TAF5: variants seen among roughly 807,000 people sequenced by gnomAD.
The protein encoded by TAF5 is TATA-box binding protein associated factor 5, also known as transcription initiation factor TFIID subunit 5.
A neutral mutation model predicts 80.9 loss-of-function variants in TAF5; 20 were observed. That is an observed-to-expected ratio of 0.25 (90% CI 0.17 to 0.36). The LOEUF (loss-of-function observed/expected upper bound fraction) is 0.36, where lower values mean the gene tolerates loss of function less well. Among genes scored for constraint, TAF5 ranks in the 10% least tolerant of loss-of-function variants. The probability of loss-of-function intolerance (pLI) is 1.00; values close to 1 mark genes in which losing one functional copy is unlikely to be tolerated. For synonymous variants in TAF5, 388 were observed against 406.4 expected (o/e 0.95, Z 0.55); for missense variants, 863 against 1,029.4 (o/e 0.84, Z 2.21).
chr10:103,381,655 A>G, intron 5 of TAF5, 66 bp from the exon 6 acceptor site: 1 of 1,541,118 alleles, frequency 6.5e-7, no homozygotes. Flanking sequence ...GAAAATGATT[A>G]ACATTTGCTT....
At chr10:103,380,054 A>G (rs780142600) in intron 5 of TAF5, 35 bp downstream of exon 5, 2 of 1,601,788 alleles carry the variant, frequency 1.2e-6, no homozygotes, top group Admixed American at 3.5e-5. Context: ...CTGCCTGGAG[A>G]GTCATGTAGG....
chr10:103,380,998 G>A (rs921466141), intron 5 of TAF5, among the ~76,000 whole-genome samples: 4 of 151,894 alleles, frequency 2.6e-5, no homozygotes, highest in African/African-American at 9.7e-5. Flanking sequence ...CACCTAGGCT[G>A]GAGTGCGGTG....
chr10:103,385,282 A>C (rs989265594), intron 7 of TAF5, 44 bp from the exon 8 acceptor site: 8 of 1,560,980 alleles, frequency 5.1e-6, no homozygotes, highest in Non-Finnish European at 7.0e-6. Context: ...CAGGTGACCA[A>C]AGGTTACTCT....
At position 103,374,563 on chromosome 10, in the gene TAF5, A is replaced by G. The variant is rs544116064; in HGVS notation, c.797+968A>G. 2.8e-4 allele frequency among the ~76,000 whole-genome samples: 43 copies of G among 152,338 alleles called. No individual in the cohort carries two copies. Among genetic ancestry groups the G allele is most frequent in the African/African-American group, 9.6e-4 (40 of 41,590 alleles). On this transcript the variant is annotated intron_variant, in intron 2 of 10. Coordinates refer to ENST00000369839, the MANE Select transcript of TAF5 (RefSeq NM_006951.5). The surrounding 1 kb of genome is among the most constrained non-coding windows in gnomAD (Gnocchi z 4.3). ...AAATGTAGTCTTTACCTAAGTGTCT[A>G]TGTGCCCAGCTGATATTCAGGTTTT...
chr10:103,369,956 C>A (rs1017648245), intron 1 of TAF5, among the ~76,000 whole-genome samples: 1 of 152,014 alleles, frequency 6.6e-6, no homozygotes, highest in Admixed American at 6.6e-5. Flanking sequence ...ATTGGCCGGG[C>A]GTCGTGGCTC....
At position 103,374,073 on chromosome 10, in the gene TAF5, G is replaced by A. The variant is rs569293866; in HGVS notation, c.797+478G>A. Among the ~76,000 whole-genome samples the A allele has an allele frequency of 6.6e-6, 1 of 152,174 alleles. No individual in the cohort carries two copies. The highest frequency in any genetic ancestry group is 2.1e-4 in the South Asian group (1 of 4,814). On this transcript the variant is annotated intron_variant, in intron 2 of 10. Transcript: ENST00000369839. This position sits in a 1 kb window ranked among gnomAD's most constrained non-coding sequence, Gnocchi z 4.3. The stretch of plus-strand genomic sequence containing the variant: ...TAGGCAGGTTTTTGGGCCATGTTGA[G>A]GGTCTTTGTTTATCCTAAGAGCAGT...
chr10:103,368,188 A>C lies in TAF5; in HGVS notation c.199A>C (p.Thr67Pro), dbSNP rs1174202905. The C allele has an allele frequency of 7.2e-7, 1 of 1,394,186 alleles. No homozygotes were observed. The highest frequency in any genetic ancestry group is 1.5e-5 in the African/African-American group (1 of 66,116). The allele number at this position is 1,394,186 out of a possible 1,614,324, so 86.4% of individuals were successfully genotyped here. The part of the protein sequence containing the change: ...TGGDGGTPKP[T>P]VAVSAAAPAG... ...CGGGGATGGCGGGACCCCCAAGCCC[A>C]CGGTGGCTGTCTCCGCCGCTGCCCC... Residue 67 changes from threonine (T) to proline (P), a missense_variant, in exon 1 of 11, where the codon ACG becomes CCG. Thr to Pro is a conservative substitution (Grantham distance 38). Coordinates refer to ENST00000369839, the MANE Select transcript of TAF5 (RefSeq NM_006951.5).
At chr10:103,380,913 G>A (rs1391300953) in intron 5 of TAF5, among the ~76,000 whole-genome samples, 1 of 151,954 alleles carries the variant, frequency 6.6e-6, no homozygotes, top group Non-Finnish European at 1.5e-5. Flanking sequence ...GAGCCACCGT[G>A]CCCAGCCATA....
rs773529409 is a variant in TAF5, at chr10:103,387,241, T to C, written c.1896T>C (p.Cys632=). ...IFAGHLADVN[C]TRFHPNSNYV... is the part of the protein sequence containing the mutation. ...CCGGCCATCTTGCTGATGTGAATTG[T>C]ACCAGATTCCATCCAAATTCTAATT... The change falls in exon 9 of 11, where the codon TGT becomes TGC. Residue 632 remains cysteine, a synonymous_variant. Transcript: ENST00000369839. 1 of 1,614,214 alleles carries C rather than the reference T, an allele frequency of 6.2e-7. No individual in the cohort carries two copies. The highest frequency in any genetic ancestry group is 8.5e-7 in the Non-Finnish European group (1 of 1,180,030).
Position 103,387,632 on chromosome 10 carries a change from T to C in TAF5, c.2119T>C (p.Leu707=), listed in dbSNP as rs566347012. Residue 707 remains leucine, a synonymous_variant, in exon 10 of 11, where the codon TTA becomes CTA. Transcript: ENST00000369839. ...TGGACATGGTTTGATGGTTGGAGAA[T>C]TAAAAGGCCACACTGATACAGTCTG... The part of the protein sequence containing the change: ...DIGHGLMVGE[L]KGHTDTVCSL... The C allele has an allele frequency of 2.2e-5, 35 of 1,614,132 alleles. No homozygotes were observed. The South Asian group carries it at 3.4e-4, about 16-fold the overall frequency.
At position 103,378,623 on chromosome 10, in the gene TAF5, C is replaced by T. The variant is rs572276230; in HGVS notation, c.1113+73C>T. On this transcript the variant is annotated intron_variant, in intron 3 of 10. Coordinates refer to ENST00000369839, the MANE Select transcript of TAF5 (RefSeq NM_006951.5). This position sits in a 1 kb window ranked among gnomAD's most constrained non-coding sequence, Gnocchi z 4.1. ...GTAGCATTTCCATCTACATAAGTTA[C>T]ACATTTTTCTTATAGCTAGCTTGGA... 36 of 1,462,270 alleles carry T rather than the reference C, an allele frequency of 2.5e-5. No individual in the cohort carries two copies. In the Admixed American group the frequency reaches 6.8e-4, roughly 28 times the overall value. The allele number at this position is 1,462,270 out of a possible 1,614,324, so 90.6% of individuals were successfully genotyped here.
chr10:103,387,106 GT>G, intron 8 of TAF5, 68 bp from the exon 9 acceptor site: 1 of 1,453,032 alleles, frequency 6.9e-7, no homozygotes, highest in Non-Finnish European at 9.3e-7. Context: ...TATTTATTTT[GT>G]ATAGATTTTT....
intron 7 of TAF5, among the ~76,000 whole-genome samples, chr10:103,384,723 G>C (rs1412137300): frequency 6.6e-6 from 1 of 152,206 alleles, no homozygotes; most frequent in Non-Finnish European, 1.5e-5. Context: ...TTTGTTGCTT[G>C]ATAAGGTTTT....
intron 1 of TAF5, 62 bp from the exon 2 acceptor site, chr10:103,373,296 A>G: frequency 7.3e-7 from 1 of 1,373,514 alleles, no homozygotes; most frequent in East Asian, 2.3e-5. Context: ...CTTTAACAAT[A>G]CAGCCATAGT....
intron 8 of TAF5, among the ~76,000 whole-genome samples, chr10:103,386,199 G>T (rs1263301846): frequency 6.6e-6 from 1 of 151,972 alleles, no homozygotes; most frequent in Non-Finnish European, 1.5e-5. Flanking sequence ...AGCACTTTGG[G>T]AGGCCAAGGA....
chr10:103,379,580 T>A lies in TAF5; in HGVS notation c.1114-28T>A, dbSNP rs368772038. On this transcript the variant is annotated intron_variant, in intron 3 of 10. Coordinates refer to ENST00000369839, the MANE Select transcript of TAF5 (RefSeq NM_006951.5). Reference sequence around the variant, plus strand: ...GGGTATATTAATGAATAAATAATTTTAAAAATGTTGGCTCTTTTGACTTGT... The same window carrying A: ...GGGTATATTAATGAATAAATAATTTAAAAAATGTTGGCTCTTTTGACTTGT... The A allele has an allele frequency of 3.8e-5, 58 of 1,539,426 alleles. No homozygotes were observed. In the Middle Eastern group the frequency reaches 6.6e-4, roughly 17 times the overall value.
At position 103,373,085 on chromosome 10, in the gene TAF5, C is replaced by G. The variant is rs536284418; in HGVS notation, c.560-273C>G. Among the ~76,000 whole-genome samples, 3 of 151,520 alleles carry G rather than the reference C, an allele frequency of 2.0e-5. No homozygotes were observed. The East Asian group carries it at 5.9e-4, about 30-fold the overall frequency. ...GGGCATGGTGGCACACGCTTGTAGT[C>G]CCAGCTACTTGGGAGGCCGAGGCAA... On this transcript the variant is annotated intron_variant, in intron 1 of 10. Transcript: ENST00000369839.
At chr10:103,384,000 C>T (rs1418373574) in intron 7 of TAF5, among the ~76,000 whole-genome samples, 1 of 151,644 alleles carries the variant, frequency 6.6e-6, no homozygotes, top group African/African-American at 2.4e-5. Flanking sequence ...TGGTAAATAA[C>T]CAACCAAAGC....
In TAF5 at chr10:103,385,321, C is replaced by G; in HGVS notation, c.1665-5C>G. On this transcript the variant is annotated splice_polypyrimidine_tract_variant and splice_region_variant and intron_variant, in intron 7 of 10. Coordinates refer to ENST00000369839, the MANE Select transcript of TAF5 (RefSeq NM_006951.5). ...AGTCAAATATATCACCTTCTCTTCT[C>G]TCAGGAACTATCTGCTTTCCTCTTC... The G allele has an allele frequency of 1.2e-6, 2 of 1,603,370 alleles. No individual in the cohort carries two copies. Among genetic ancestry groups the G allele is most frequent in the South Asian group, 1.1e-5 (1 of 90,344 alleles).
Sources: allele counts gnomAD v4.1 joint callset (sites outside exome capture counted in the v4.1 genomes callset), GRCh38; gene constraint gnomAD v4.1.1; non-coding constraint Gnocchi (gnomAD v3.1); transcripts MANE v1.5; gene names NCBI Gene and HGNC (gene_info 2026-07-23, HGNC 2026-07-21).